The following GHR variants were observed in gnomAD, a reference collection of about 807,000 sequenced individuals.
GHR encodes GH receptor.
Under a neutral mutation model 67.1 loss-of-function variants are expected in GHR, and 35 were observed. That is an observed-to-expected ratio of 0.52 (90% CI 0.40 to 0.69). The LOEUF (loss-of-function observed/expected upper bound fraction) is 0.69. GHR is among the 30% of genes least tolerant of loss of function. The pLI is 0.00. For missense variants in GHR, 792 were observed against 764.6 expected (o/e 1.04, Z -0.42); for synonymous variants, 272 against 269.1 (o/e 1.01, Z -0.10).
chr5:42,699,717 A>T, intron 5 of GHR, 107 bp from the exon 6 acceptor site: 2 of 791,822 alleles, frequency 2.5e-6, no homozygotes, highest in Non-Finnish European at 4.6e-6. Flanking sequence ...AAATAAGAGC[A>T]TGAATGATCA....
chr5:42,465,838 G>A, intron 1 of GHR: 2 of 762,354 alleles, frequency 2.6e-6, no homozygotes, highest in Non-Finnish European at 4.9e-6. Flanking sequence ...GAATAGGTCG[G>A]TCAATAATCA....
intron 2 of GHR, among the ~76,000 whole-genome samples, chr5:42,598,535 G>A (rs1561156134): frequency 6.6e-6 from 1 of 152,164 alleles, no homozygotes; most frequent in African/African-American, 2.4e-5. Context: ...TAAAAGGAAT[G>A]TTTGCTAACT....
At chr5:42,529,721 C>T (rs1047623852) in intron 1 of GHR, among the ~76,000 whole-genome samples, 2 of 152,114 alleles carry the variant, frequency 1.3e-5, no homozygotes, top group African/African-American at 2.4e-5. Flanking sequence ...GTGCTTTTCA[C>T]ATCTACAGAA....
chr5:42,663,526 C>A (rs933015574), intron 3 of GHR, among the ~76,000 whole-genome samples: 4 of 152,094 alleles, frequency 2.6e-5, no homozygotes, highest in Admixed American at 2.0e-4. Context: ...CAGAAAAGTT[C>A]TTTGACAAAA....
At chr5:42,692,416 T>C (rs1757462064) in intron 4 of GHR, among the ~76,000 whole-genome samples, 1 of 152,144 alleles carries the variant, frequency 6.6e-6, no homozygotes, top group African/African-American at 2.4e-5. Flanking sequence ...CTTCCATACA[T>C]TGATTTTGGT....
chr5:42,593,376 A>G (rs903488729), intron 2 of GHR, among the ~76,000 whole-genome samples: 2 of 152,208 alleles, frequency 1.3e-5, no homozygotes, highest in Non-Finnish European at 2.9e-5. Context: ...CTGTCTCTCA[A>G]AAGTTCTTAT....
chr5:42,427,403 G>A (rs951798741), intron 1 of GHR, among the ~76,000 whole-genome samples: 9 of 152,184 alleles, frequency 5.9e-5, no homozygotes, highest in African/African-American at 2.2e-4. Context: ...AGAACCATCA[G>A]ATCTCATTAG....
intron 6 of GHR, among the ~76,000 whole-genome samples, chr5:42,704,259 C>T (rs1415844021): frequency 6.6e-6 from 1 of 151,654 alleles, no homozygotes; most frequent in Non-Finnish European, 1.5e-5. Context: ...GGGTTTTTAT[C>T]ATGAAAGGAT....
intron 3 of GHR, among the ~76,000 whole-genome samples, chr5:42,682,121 G>A (rs932657487): frequency 1.3e-5 from 2 of 152,098 alleles, no homozygotes. Context: ...CCTTTGCAGG[G>A]ACATGGATGA....
chr5:42,608,563 T>TC (rs1752739853), intron 2 of GHR, among the ~76,000 whole-genome samples: 1 of 152,174 alleles, frequency 6.6e-6, no homozygotes, highest in South Asian at 2.1e-4. Context: ...TACACACTGG[T>TC]CAAAATGTAA....
In GHR at chr5:42,514,286, C is replaced by T. The variant is rs1579849897; in HGVS notation, c.-11-51578C>T. The T allele has an allele frequency of 3.0e-6, 3 of 984,016 alleles. No homozygotes were observed. The African/African-American group carries it at 5.2e-5, about 17-fold the overall frequency. 61.0% of individuals were successfully genotyped at this position (984,016 alleles called of 1,614,324 possible). A position where few individuals can be genotyped will look rare whatever the true frequency, so the allele number is the denominator to read the frequency against. On this transcript the variant is annotated intron_variant, in intron 1 of 9. Coordinates refer to ENST00000230882, the MANE Select transcript of GHR (RefSeq NM_000163.5). ...AGGTCACCTCTTTGGATTGGCAGAC[C>T]CAGGGAGTCCATATTGGGAAGATAA...
At chr5:42,552,627 A>T (rs918473262) in intron 1 of GHR, among the ~76,000 whole-genome samples, 2 of 152,202 alleles carry the variant, frequency 1.3e-5, no homozygotes, top group Admixed American at 1.3e-4. Context: ...GAGCCAATAC[A>T]CCAAAATGCC....
intron 2 of GHR, among the ~76,000 whole-genome samples, chr5:42,568,096 A>C (rs1344647001): frequency 1.3e-5 from 2 of 152,170 alleles, no homozygotes; most frequent in East Asian, 3.9e-4. Context: ...TGGAAGCATC[A>C]CCTGGAGAAA....
At chr5:42,540,945 T>A (rs1561107834) in intron 1 of GHR, among the ~76,000 whole-genome samples, 3 of 149,196 alleles carry the variant, frequency 2.0e-5, no homozygotes, top group South Asian at 4.2e-4. Flanking sequence ...TTTTCCTTGT[T>A]TTTTTTTTTT....
chr5:42,565,815 G>A, intron 1 of GHR, 49 bp from the exon 2 acceptor site: 1 of 1,613,572 alleles, frequency 6.2e-7, no homozygotes, highest in Non-Finnish European at 8.5e-7. Flanking sequence ...TCATGATAAT[G>A]GTCTGCTTTT....
chr5:42,662,351 C>T (rs576922657), intron 3 of GHR, among the ~76,000 whole-genome samples: 8 of 151,986 alleles, frequency 5.3e-5, no homozygotes, highest in East Asian at 1.9e-4. Context: ...CCACGTGGTT[C>T]GAAGCAAAGC....
chr5:42,689,029 T>C lies in GHR; in HGVS notation c.266+10T>C. ...TGTTCTATACCAGAAGGTGCCACCATCATGCCTTTCTGATTTTCCTCTCCA... is the reference window on the plus strand; with the variant it reads ...TGTTCTATACCAGAAGGTGCCACCACCATGCCTTTCTGATTTTCCTCTCCA... On this transcript the variant is annotated intron_variant, in intron 4 of 9. Transcript: ENST00000230882. 1 of 1,612,718 alleles carries C rather than the reference T, an allele frequency of 6.2e-7. No homozygotes were observed. The highest frequency in any genetic ancestry group is 1.1e-5 in the South Asian group (1 of 91,066).
At chr5:42,571,582 A>G (rs1415957816) in intron 2 of GHR, among the ~76,000 whole-genome samples, 2 of 152,152 alleles carry the variant, frequency 1.3e-5, no homozygotes, top group African/African-American at 4.8e-5. Flanking sequence ...TGAGTGACCT[A>G]CCCCTACAAA....
At chr5:42,586,675 C>T (rs148698105) in intron 2 of GHR, among the ~76,000 whole-genome samples, 2,239 of 152,256 alleles carry the variant, frequency 0.015, 22 homozygotes, top group Middle Eastern at 0.037. Flanking sequence ...CAGAGTGAAG[C>T]CTCGGGACTT....
Sources: allele counts gnomAD v4.1 joint callset (sites outside exome capture counted in the v4.1 genomes callset), GRCh38; gene constraint gnomAD v4.1.1; transcripts MANE v1.5; gene names NCBI Gene and HGNC (gene_info 2026-07-23, HGNC 2026-07-21).